TTC7B: variants seen among roughly 807,000 people sequenced by gnomAD.
TTC7B encodes the protein tetratricopeptide repeat protein 7B.
In TTC7B, 28 loss-of-function variants were observed where a neutral mutation model predicts 106.8. The observed-to-expected ratio is 0.26, with a 90% CI of 0.19 to 0.36. The LOEUF is 0.36. Ranked by LOEUF, TTC7B falls within the 10% of genes least tolerant of loss-of-function variation. TTC7B has a pLI of 1.00. For missense variants in TTC7B, 862 were observed against 1,076.4 expected (o/e 0.80, Z 2.79); for synonymous variants, 405 against 430.6 (o/e 0.94, Z 0.74).
At position 90,759,101 on chromosome 14, in the gene TTC7B, A is replaced by G. The variant is rs910256428; in HGVS notation, c.446-14179T>C. On this transcript the variant is annotated intron_variant, in intron 3 of 19. Coordinates refer to ENST00000328459, the MANE Select transcript of TTC7B (RefSeq NM_001010854.2). The surrounding 1 kb of genome is among the most constrained non-coding windows in gnomAD (Gnocchi z 4.1). ...CCTCTGCCTGGTTCGAGGAAGGCCC[A>G]GCCAGGCCGGCCCCAGCTTCCTTCC... 6.6e-6 allele frequency among the ~76,000 whole-genome samples: 1 copy of G among 152,192 alleles called. No individual in the cohort carries two copies. Among genetic ancestry groups the G allele is most frequent in the Non-Finnish European group, 1.5e-5 (1 of 68,040 alleles).
chr14:90,687,970 T>C (rs1887312121), intron 7 of TTC7B, among the ~76,000 whole-genome samples: 1 of 152,236 alleles, frequency 6.6e-6, no homozygotes, highest in South Asian at 2.1e-4. Flanking sequence ...CCTCTGAAAG[T>C]ACAACAGTCA....
At chr14:90,610,446 G>A (rs1892824003) in intron 17 of TTC7B, among the ~76,000 whole-genome samples, 1 of 152,218 alleles carries the variant, frequency 6.6e-6, no homozygotes, top group Admixed American at 6.5e-5. Context: ...AAGCAGAGGG[G>A]AAACCTGATG....
intron 19 of TTC7B, among the ~76,000 whole-genome samples, chr14:90,551,012 C>T (rs975032026): frequency 6.6e-6 from 1 of 152,234 alleles, no homozygotes; most frequent in Non-Finnish European, 1.5e-5. Context: ...AGATGCCCTG[C>T]TCCCAGCTGA....
At position 90,534,148 on chromosome 14, in the gene TTC7B, C is replaced by CCTGG. The variant is rs1889354819; in HGVS notation, c.*7216_*7219dup. On this transcript the variant is annotated 3_prime_UTR_variant, in exon 20 of 20. Transcript: ENST00000328459. ...GTGTGACCTTGAGGGGGGGCCTCAG[C>CCTGG]CTGGCCCCCAAAAGACCTTCAGGAG... The CCTGG allele has an allele frequency of 6.6e-6, 1 of 152,366 alleles. No homozygotes were observed. Among genetic ancestry groups the CCTGG allele is most frequent in the African/African-American group, 2.4e-5 (1 of 41,468 alleles). The allele number at this position is 152,366 out of a possible 1,614,324, so 9.4% of individuals were successfully genotyped here.
intron 18 of TTC7B, among the ~76,000 whole-genome samples, chr14:90,586,192 C>T (rs767180851): frequency 2.0e-5 from 3 of 152,214 alleles, no homozygotes; most frequent in Non-Finnish European, 4.4e-5. Context: ...CTGGCTGCCG[C>T]GATGCCGTCT....
At chr14:90,643,635 T>C (rs1245161749) in intron 15 of TTC7B, among the ~76,000 whole-genome samples, 4 of 152,120 alleles carry the variant, frequency 2.6e-5, no homozygotes, top group Non-Finnish European at 5.9e-5. Context: ...TGGAATGCAG[T>C]GCAGGGGTAC....
At chr14:90,604,867 T>C (rs1207594528) in intron 17 of TTC7B, among the ~76,000 whole-genome samples, 1 of 152,246 alleles carries the variant, frequency 6.6e-6, no homozygotes, top group African/African-American at 2.4e-5. Flanking sequence ...TTCCGTGTTA[T>C]TTAAAAGCAA....
intron 9 of TTC7B, among the ~76,000 whole-genome samples, chr14:90,665,996 A>C (rs865845000): frequency 2.0e-5 from 3 of 152,226 alleles, no homozygotes; most frequent in Admixed American, 6.5e-5. Flanking sequence ...ACAGAATCAC[A>C]GAGCAATTTG....
At chr14:90,764,948 A>G (rs916900005) in intron 3 of TTC7B, among the ~76,000 whole-genome samples, 3 of 152,208 alleles carry the variant, frequency 2.0e-5, no homozygotes, top group Admixed American at 6.5e-5. Flanking sequence ...TATACATCCA[A>G]GATAAATGAA....
In TTC7B at chr14:90,652,826, T is replaced by C; in HGVS notation, c.1517+15A>G. ...CATTATGTACAGCCGAGTGAAAAGA[T>C]GAACTCCCACTCACCTCTGAAATGC... is the stretch of plus-strand genomic sequence containing the variant. On this transcript the variant is annotated intron_variant, in intron 13 of 19. Transcript: ENST00000328459. 2 of 1,613,842 alleles carry C rather than the reference T, an allele frequency of 1.2e-6. No individual in the cohort carries two copies. The highest frequency in any genetic ancestry group is 2.2e-5 in the South Asian group (2 of 91,076).
At chr14:90,700,944 G>T (rs1887958108) in intron 5 of TTC7B, among the ~76,000 whole-genome samples, 1 of 151,828 alleles carries the variant, frequency 6.6e-6, no homozygotes, top group South Asian at 2.1e-4. Flanking sequence ...ACTGTGGCCG[G>T]CTGTCAGGGA....
intron 5 of TTC7B, among the ~76,000 whole-genome samples, chr14:90,711,788 A>T (rs965615026): frequency 1.3e-5 from 2 of 152,246 alleles, no homozygotes; most frequent in East Asian, 3.8e-4. Flanking sequence ...ATGGTATACT[A>T]AAAAACTATT....
chr14:90,572,002 A>G (rs576160177), intron 19 of TTC7B, among the ~76,000 whole-genome samples: 135 of 152,346 alleles, frequency 8.9e-4, no homozygotes, highest in Non-Finnish European at 1.5e-3. Context: ...ACTGGAAAAC[A>G]TGGTGCCAAC....
intron 16 of TTC7B, among the ~76,000 whole-genome samples, chr14:90,612,570 G>A (rs1258395836): frequency 6.6e-6 from 1 of 152,154 alleles, no homozygotes; most frequent in African/African-American, 2.4e-5. Flanking sequence ...TCATCTTCCA[G>A]GCCTCTCATC....
intron 9 of TTC7B, among the ~76,000 whole-genome samples, chr14:90,672,630 C>T (rs1174061933): frequency 6.6e-6 from 1 of 152,250 alleles, no homozygotes; most frequent in Non-Finnish European, 1.5e-5. Context: ...AACCTATAAA[C>T]TCTGCTGCAA....
chr14:90,585,325 C>T (rs909375255), intron 18 of TTC7B, among the ~76,000 whole-genome samples: 1 of 152,250 alleles, frequency 6.6e-6, no homozygotes, highest in Non-Finnish European at 1.5e-5. Flanking sequence ...CAGGCGCTAG[C>T]CCTTCCTGGC....
intron 5 of TTC7B, among the ~76,000 whole-genome samples, chr14:90,719,612 G>C (rs971944078): frequency 6.6e-5 from 10 of 152,210 alleles, no homozygotes; most frequent in Admixed American, 6.5e-4. Flanking sequence ...GTCACTTGAG[G>C]TGAAAAGGAA....
chr14:90,653,596 T>C (rs1338655445), intron 12 of TTC7B, among the ~76,000 whole-genome samples: 3 of 152,198 alleles, frequency 2.0e-5, no homozygotes, highest in Admixed American at 6.5e-5. Flanking sequence ...TACTTTTTAC[T>C]AGGGCAAGAG....
Position 90,734,285 on chromosome 14 carries a change from T to C in TTC7B, c.577-4089A>G, listed in dbSNP as rs55746862. 3.6e-3 allele frequency among the ~76,000 whole-genome samples: 552 copies of C among 152,092 alleles called. 4 individuals are homozygous for C. Among genetic ancestry groups the C allele is most frequent in the South Asian group, 0.022 (108 of 4,812 alleles). ...AATACAAAAACTTAGCCAGGTGTGGTGGCACGTGCCTGTAGACCCAGCTAC... is the reference window on the plus strand; with the variant it reads ...AATACAAAAACTTAGCCAGGTGTGGCGGCACGTGCCTGTAGACCCAGCTAC... On this transcript the variant is annotated intron_variant, in intron 4 of 19. Coordinates refer to ENST00000328459, the MANE Select transcript of TTC7B (RefSeq NM_001010854.2).
Sources: allele counts gnomAD v4.1 joint callset (sites outside exome capture counted in the v4.1 genomes callset), GRCh38; gene constraint gnomAD v4.1.1; non-coding constraint Gnocchi (gnomAD v3.1); transcripts MANE v1.5; gene names NCBI Gene and HGNC (gene_info 2026-07-23, HGNC 2026-07-21).